SH2D4B: variants seen among roughly 807,000 people sequenced by gnomAD.
SH2D4B encodes the protein SH2 domain containing 4B.
A neutral mutation model predicts 61.5 loss-of-function variants in SH2D4B; 45 were observed. The observed-to-expected ratio is 0.73, with a 90% CI of 0.58 to 0.94. The LOEUF is 0.94. Ranked by LOEUF, SH2D4B falls within the 40% of genes least tolerant of loss-of-function variation. SH2D4B has a pLI of 0.00. For synonymous variants in SH2D4B, 224 were observed against 220.4 expected (o/e 1.02, Z -0.14); for missense variants, 572 against 574.2 (o/e 1.00, Z 0.04).
At chr10:80,594,004 G>A (rs1381631749) in intron 4 of SH2D4B, among the ~76,000 whole-genome samples, 2 of 151,926 alleles carry the variant, frequency 1.3e-5, no homozygotes, top group East Asian at 1.9e-4. Flanking sequence ...TTAGCGACGG[G>A]GTTTTGCCAT....
intron 5 of SH2D4B, 129 bp downstream of exon 5, chr10:80,603,924 A>T: frequency 3.9e-6 from 3 of 764,358 alleles, no homozygotes; most frequent in Non-Finnish European, 6.2e-6. Flanking sequence ...TCCCCTCTGG[A>T]CTTCAGCCCT....
intron 2 of SH2D4B, among the ~76,000 whole-genome samples, chr10:80,570,655 T>G (rs1292097151): frequency 6.6e-6 from 1 of 152,214 alleles, no homozygotes; most frequent in Non-Finnish European, 1.5e-5. Context: ...CTTTGTAAAT[T>G]GTTTTATTCA....
chr10:80,587,577 C>CT (rs59716639), intron 3 of SH2D4B, among the ~76,000 whole-genome samples: 12 of 149,846 alleles, frequency 8.0e-5, no homozygotes, highest in Non-Finnish European at 1.2e-4. Context: ...CGACGCCCAG[C>CT]TTTTTTTTTT....
At chr10:80,637,264 A>G (rs1027293391) in intron 7 of SH2D4B, among the ~76,000 whole-genome samples, 4 of 152,120 alleles carry the variant, frequency 2.6e-5, no homozygotes, top group Admixed American at 1.3e-4. Context: ...TTGTCTTGGC[A>G]ATGCAGGCTC....
chr10:80,548,519 G>A (rs1015916014), intron 1 of SH2D4B, among the ~76,000 whole-genome samples: 2 of 152,252 alleles, frequency 1.3e-5, no homozygotes, highest in African/African-American at 4.8e-5. Context: ...CTATGGCATG[G>A]TGGATGGATC....
At chr10:80,584,807 TA>T (rs1415195850) in intron 3 of SH2D4B, among the ~76,000 whole-genome samples, 78 of 152,278 alleles carry the variant, frequency 5.1e-4, no homozygotes, top group African/African-American at 1.7e-3. Context: ...CTGTGGGAAA[TA>T]TAAGTGCTAA....
chr10:80,540,981 A>G lies in SH2D4B; in HGVS notation c.184+2466A>G, dbSNP rs1181518703. ...TGTCCAGGCTCTTGAAACTGTCTTG[A>G]GAAAGAACTCGGGAATGAGTCAGAA... On this transcript the variant is annotated intron_variant, in intron 1 of 7. Transcript: ENST00000646907. 12 of 1,309,882 alleles carry G rather than the reference A, an allele frequency of 9.2e-6. No individual in the cohort carries two copies. The Admixed American group carries it at 2.4e-4, about 26-fold the overall frequency. The allele number at this position is 1,309,882 out of a possible 1,614,324, so 81.1% of individuals were successfully genotyped here.
At chr10:80,616,385 T>C (rs1252012184) in intron 6 of SH2D4B, among the ~76,000 whole-genome samples, 1 of 152,204 alleles carries the variant, frequency 6.6e-6, no homozygotes, top group Admixed American at 6.5e-5. Flanking sequence ...CTTTAGCGGT[T>C]CCAACTGAAA....
intron 1 of SH2D4B, among the ~76,000 whole-genome samples, chr10:80,565,966 C>T (rs564139523): frequency 6.6e-6 from 1 of 151,868 alleles, no homozygotes; most frequent in South Asian, 2.1e-4. Context: ...TGTTGGGCGC[C>T]TATAATCCCA....
At chr10:80,613,008 G>C (rs943859283) in intron 6 of SH2D4B, among the ~76,000 whole-genome samples, 1 of 152,184 alleles carries the variant, frequency 6.6e-6, no homozygotes, top group Non-Finnish European at 1.5e-5. Flanking sequence ...GGAGTGCTTT[G>C]TCCACCATAA....
chr10:80,572,945 AATATATATATATATATATATATATAT>A lies in SH2D4B; in HGVS notation c.495+1384_495+1409del, dbSNP rs869061750. 4.3e-3 allele frequency among the ~76,000 whole-genome samples: 88 copies of A among 20,666 alleles called. 1 individual carries two copies. Among genetic ancestry groups the A allele is most frequent in the South Asian group, 7.6e-3 (2 of 262 alleles). 13.6% of individuals were successfully genotyped at this position (20,666 alleles called of 152,430 possible). A position where few individuals can be genotyped will look rare whatever the true frequency, so the allele number is the denominator to read the frequency against. On this transcript the variant is annotated intron_variant, in intron 3 of 7. Transcript: ENST00000646907. ...TGTTGGCCTTTTCATGTATGTTGCAAATATATATATATATATATATATATATATATATATATATATATTTTTTTTTT... is the reference window on the plus strand; with the variant it reads ...TGTTGGCCTTTTCATGTATGTTGCAAATATATATATATATATTTTTTTTTT...
At chr10:80,630,189 C>G (rs1484157164) in intron 6 of SH2D4B, among the ~76,000 whole-genome samples, 1 of 152,132 alleles carries the variant, frequency 6.6e-6, no homozygotes, top group East Asian at 1.9e-4. Context: ...ATTGAGAGCC[C>G]CAGAGCAAAG....
intron 5 of SH2D4B, among the ~76,000 whole-genome samples, chr10:80,609,050 C>T (rs555243846): frequency 1.3e-5 from 2 of 152,244 alleles, no homozygotes; most frequent in South Asian, 2.1e-4. Flanking sequence ...TGGCCGTGCT[C>T]GAGGGAAAAT....
intron 1 of SH2D4B, among the ~76,000 whole-genome samples, chr10:80,543,192 C>T (rs1472182918): frequency 1.3e-5 from 2 of 152,196 alleles, no homozygotes; most frequent in African/African-American, 2.4e-5. Context: ...TTCAGCCCGC[C>T]GTTGCACTGT....
chr10:80,594,800 G>A (rs1842368482), intron 4 of SH2D4B, among the ~76,000 whole-genome samples: 1 of 152,128 alleles, frequency 6.6e-6, no homozygotes, highest in Admixed American at 6.6e-5. Context: ...GATTTTCAGA[G>A]GACCTTAATT....
intron 1 of SH2D4B, among the ~76,000 whole-genome samples, chr10:80,543,804 T>G (rs1448010261): frequency 6.6e-6 from 1 of 152,010 alleles, no homozygotes; most frequent in Non-Finnish European, 1.5e-5. Flanking sequence ...AGCTCAGGGT[T>G]TGTGAATGCA....
Position 80,603,635 on chromosome 10 carries a change from G to T in SH2D4B, c.700G>T (p.Asp234Tyr). ...ERSRRAQRARDEYRHHSLRAI... is the reference protein window; with the variant it reads ...ERSRRAQRARYEYRHHSLRAI... ...GAGCCGCCGAGCCCAGCGCGCCCGGGACGAGTACCGACACCACTCGCTCCG... is the reference window on the plus strand; with the variant it reads ...GAGCCGCCGAGCCCAGCGCGCCCGGTACGAGTACCGACACCACTCGCTCCG... The change falls in exon 5 of 8, where the codon GAC (aspartate) becomes TAC (tyrosine). Residue 234 changes from aspartate (D) to tyrosine (Y), a missense_variant. Transcript: ENST00000646907. 1 of 1,597,768 alleles carries T rather than the reference G, an allele frequency of 6.3e-7. No individual in the cohort carries two copies. Among genetic ancestry groups the T allele is most frequent in the Non-Finnish European group, 8.5e-7 (1 of 1,173,010 alleles).
At position 80,619,307 on chromosome 10, in the gene SH2D4B, C is replaced by T. The variant is rs560306037; in HGVS notation, c.988+9756C>T. 1.9e-4 allele frequency among the ~76,000 whole-genome samples: 29 copies of T among 152,304 alleles called. 1 individual carries two copies. In the South Asian group the frequency reaches 6.0e-3, roughly 32 times the overall value. On this transcript the variant is annotated intron_variant, in intron 6 of 7. Transcript: ENST00000646907. ...AGCTCTTCTGCATTCCCTGCCTTCT[C>T]ATCTTTACTCACTGCAGCCTGTAAC...
intron 6 of SH2D4B, among the ~76,000 whole-genome samples, chr10:80,613,183 G>T (rs1422090770): frequency 6.6e-6 from 1 of 152,114 alleles, no homozygotes; most frequent in Non-Finnish European, 1.5e-5. Flanking sequence ...AGAGTCTCCT[G>T]GGTTACAAAG....
Sources: gnomAD v4.1 joint callset for allele counts (sites outside exome capture counted in the v4.1 genomes callset) on GRCh38, gnomAD v4.1.1 for gene constraint, MANE v1.5 for transcripts, NCBI Gene and HGNC (gene_info 2026-07-23, HGNC 2026-07-21) for gene names.